MTSS1: variants seen among roughly 807,000 people sequenced by gnomAD.
MTSS1 encodes the protein MTSS I-BAR domain containing 1.
A neutral mutation model predicts 79.0 loss-of-function variants in MTSS1; 18 were observed. That is an observed-to-expected ratio of 0.23 (90% confidence interval 0.16 to 0.34). The LOEUF (loss-of-function observed/expected upper bound fraction) is 0.34. Ranked by LOEUF, MTSS1 falls within the 10% of genes least tolerant of loss-of-function variation. The pLI, the probability that MTSS1 is intolerant of heterozygous loss-of-function variation, is 1.00. For synonymous variants in MTSS1, 341 were observed against 368.6 expected (o/e 0.93, Z 0.86); for missense variants, 815 against 986.2 (o/e 0.83, Z 2.33).
intron 1 of MTSS1, among the ~76,000 whole-genome samples, chr8:124,714,717 C>T (rs1311232176): frequency 6.6e-6 from 1 of 152,270 alleles, no homozygotes; most frequent in East Asian, 1.9e-4. Context: ...CCTACCTCAG[C>T]CTCCTAAAGT....
chr8:124,663,739 C>A (rs1255109533), intron 3 of MTSS1, among the ~76,000 whole-genome samples: 2 of 152,144 alleles, frequency 1.3e-5, no homozygotes, highest in African/African-American at 4.8e-5. Context: ...TTCCCGTGTC[C>A]TTTTGTAAAT....
At chr8:124,693,571 C>T (rs771840582) in intron 3 of MTSS1, among the ~76,000 whole-genome samples, 5 of 152,212 alleles carry the variant, frequency 3.3e-5, no homozygotes, top group African/African-American at 4.8e-5. Flanking sequence ...GCTTCACCAA[C>T]CTCGGCGATC....
At position 124,690,373 on chromosome 8, in the gene MTSS1, G is replaced by A. The variant is rs372862965; in HGVS notation, c.208+9153C>T. ...GCAGGACAGACACACATGCTTGGGT[G>A]TGGAATTCTGATATCCCTCACTGTC... On this transcript the variant is annotated intron_variant, in intron 3 of 13. Transcript: ENST00000518547. Among the ~76,000 whole-genome samples the A allele has an allele frequency of 7.9e-4, 120 of 152,340 alleles. 4 individuals carry two copies. In the South Asian group the frequency reaches 0.023, roughly 29 times the overall value.
chr8:124,600,043 AAAAAAAAAAAAC>A (rs200925743), intron 3 of MTSS1, among the ~76,000 whole-genome samples: 5,234 of 110,988 alleles, frequency 0.047, 228 homozygotes, highest in East Asian at 0.22. Flanking sequence ...TGTACTACAA[AAAAAAAAAAAAC>A]AAAAAAAAAA....
intron 3 of MTSS1, among the ~76,000 whole-genome samples, chr8:124,652,832 C>T (rs7819510): frequency 0.3 from 44,381 of 148,746 alleles, 8,813 homozygotes; most frequent in African/African-American, 0.56. Flanking sequence ...TCAAGAGCAA[C>T]TCTAAAGAGT....
chr8:124,687,657 G>A (rs1224331168), intron 3 of MTSS1, among the ~76,000 whole-genome samples: 3 of 152,142 alleles, frequency 2.0e-5, no homozygotes, highest in South Asian at 2.1e-4. Context: ...CAGAGTCAGC[G>A]GGTAAACACC....
intron 9 of MTSS1, 93 bp from the exon 10 acceptor site, chr8:124,563,085 G>T: frequency 9.4e-7 from 1 of 1,068,992 alleles, no homozygotes; most frequent in Non-Finnish European, 1.4e-6. Context: ...GAACAGATGA[G>T]GCAGAAGAGA....
Position 124,718,259 on chromosome 8 carries a change from AT to A in MTSS1, c.72+9624del, listed in dbSNP as rs35604290. ...TGAAATGCTCTCAAAACATCTGCTA[AT>A]TTTTTTTTTTTAAGAAAAAAGCTTC... On this transcript the variant is annotated intron_variant, in intron 1 of 13. Coordinates refer to ENST00000518547, the MANE Select transcript of MTSS1 (RefSeq NM_014751.6). Among the ~76,000 whole-genome samples, 133 of 149,866 alleles carry A rather than the reference AT, an allele frequency of 8.9e-4. No individual in the cohort carries two copies. In the South Asian group the frequency reaches 0.01, roughly 12 times the overall value.
At chr8:124,638,090 A>G (rs1334870023) in intron 3 of MTSS1, among the ~76,000 whole-genome samples, 1 of 152,268 alleles carries the variant, frequency 6.6e-6, no homozygotes, top group Non-Finnish European at 1.5e-5. Flanking sequence ...CTTTCTCCCC[A>G]TAAAATTCTG....
rs1173463556 is a variant in MTSS1 at position 124,553,092 on chromosome 8, C to T, written c.2168G>A (p.Arg723Lys). ...PESDPADLSPRDTPQGEDMLN... is the reference protein window; with the variant it reads ...PESDPADLSPKDTPQGEDMLN... ...CATGTCTTCTCCTTGTGGAGTATCC[C>T]TTGGGCTCAGGTCTGCAGGGTCACT... is the stretch of plus-strand genomic sequence containing the variant. The change falls in exon 14 of 14, where the codon AGG becomes AAG. Residue 723 changes from arginine (R) to lysine (K), a missense_variant. By Grantham distance (26) the Arg-to-Lys change is conservative. Coordinates refer to ENST00000518547, the MANE Select transcript of MTSS1 (RefSeq NM_014751.6). The surrounding 1 kb of genome is among the most constrained non-coding windows in gnomAD (Gnocchi z 6.0). 3 of 1,613,972 alleles carry T rather than the reference C, an allele frequency of 1.9e-6. No homozygotes were observed. In the African/African-American group the frequency reaches 4.0e-5, roughly 22 times the overall value.
At chr8:124,716,444 C>T (rs1832000116) in intron 1 of MTSS1, among the ~76,000 whole-genome samples, 1 of 152,148 alleles carries the variant, frequency 6.6e-6, no homozygotes, top group Admixed American at 6.5e-5. Flanking sequence ...GGAGATAGCT[C>T]CCTACATACT....
chr8:124,669,311 TGA>T (rs1239995231), intron 3 of MTSS1, among the ~76,000 whole-genome samples: 24 of 152,224 alleles, frequency 1.6e-4, no homozygotes, highest in African/African-American at 5.8e-4. Context: ...CTCGCTCCGC[TGA>T]GATAGTGTGA....
intron 1 of MTSS1, among the ~76,000 whole-genome samples, chr8:124,706,148 C>A (rs745997680): frequency 5.9e-5 from 9 of 152,156 alleles, no homozygotes; most frequent in Admixed American, 6.5e-5. Context: ...ACAAGGAACA[C>A]CTTGTTATAG....
Position 124,589,067 on chromosome 8 carries a change from G to C in MTSS1, c.385+553C>G, listed in dbSNP as rs192543704. On this transcript the variant is annotated intron_variant, in intron 5 of 13. Transcript: ENST00000518547. ...GTTTTTTGAGATGGAGTCTCACTCT[G>C]TCGTCCAGGCTGGAGTACAATGGTG... 1.7e-4 allele frequency among the ~76,000 whole-genome samples: 26 copies of C among 151,556 alleles called. No homozygotes were observed. In the East Asian group the frequency reaches 4.9e-3, roughly 28 times the overall value.
At chr8:124,558,605 G>A (rs930072810) in intron 10 of MTSS1, 33 of 1,378,090 alleles carry the variant, frequency 2.4e-5, no homozygotes, top group Non-Finnish European at 6.7e-6. Context: ...CCCCACTCTT[G>A]GTGTCGATTC....
At chr8:124,711,891 C>A (rs1831216329) in intron 1 of MTSS1, among the ~76,000 whole-genome samples, 1 of 151,692 alleles carries the variant, frequency 6.6e-6, no homozygotes, top group Non-Finnish European at 1.5e-5. Context: ...GTCTGCAATC[C>A]CAGTTACTCA....
At chr8:124,566,573 CATAAG>C (rs1470517699) in intron 8 of MTSS1, among the ~76,000 whole-genome samples, 4 of 152,138 alleles carry the variant, frequency 2.6e-5, no homozygotes, top group African/African-American at 9.7e-5. Flanking sequence ...TCATCTTTTT[CATAAG>C]ATGAGAGAGC....
chr8:124,714,752 C>T (rs1831678769), intron 1 of MTSS1, among the ~76,000 whole-genome samples: 1 of 152,170 alleles, frequency 6.6e-6, no homozygotes, highest in African/African-American at 2.4e-5. Flanking sequence ...CAGGCATGAG[C>T]CACCACTCCC....
chr8:124,694,746 C>T (rs749448436), intron 3 of MTSS1, among the ~76,000 whole-genome samples: 7 of 152,084 alleles, frequency 4.6e-5, no homozygotes, highest in East Asian at 1.9e-4. Context: ...GTAATAGCCA[C>T]GTGCTGGTCC....
Sources: gnomAD v4.1 joint callset for allele counts (sites outside exome capture counted in the v4.1 genomes callset) on GRCh38, gnomAD v4.1.1 for gene constraint, Gnocchi (gnomAD v3.1) non-coding constraint, MANE v1.5 for transcripts, NCBI Gene and HGNC (gene_info 2026-07-23, HGNC 2026-07-21) for gene names.